The following SYT1 variants were observed in gnomAD, a reference collection of about 807,000 sequenced individuals.
SYT1 encodes the protein synaptotagmin 1.
Under a neutral mutation model 44.8 loss-of-function variants are expected in SYT1, and 8 were observed. That is an observed-to-expected ratio of 0.18 (90% CI 0.10 to 0.32). The LOEUF (loss-of-function observed/expected upper bound fraction) is 0.32. Ranked by LOEUF, SYT1 falls within the 10% of genes least tolerant of loss-of-function variation. SYT1 has a pLI of 1.00. For missense variants in SYT1, 286 were observed against 509.3 expected (o/e 0.56, Z 4.22); for synonymous variants, 154 against 188.8 (o/e 0.82, Z 1.51).
chr12:78,953,037 C>T (rs553363182), intron 1 of SYT1, among the ~76,000 whole-genome samples: 28 of 152,166 alleles, frequency 1.8e-4, no homozygotes, highest in African/African-American at 6.3e-4. Context: ...CAGTTTACTT[C>T]ATCCCCATAG....
At chr12:79,396,407 T>G (rs1884871698) in intron 9 of SYT1, among the ~76,000 whole-genome samples, 1 of 152,202 alleles carries the variant, frequency 6.6e-6, no homozygotes, top group South Asian at 2.1e-4. Flanking sequence ...ACCCTCCCAG[T>G]ACATCAGAAT....
At chr12:79,273,306 A>G (rs1878535986) in intron 4 of SYT1, among the ~76,000 whole-genome samples, 1 of 151,722 alleles carries the variant, frequency 6.6e-6, no homozygotes, top group Non-Finnish European at 1.5e-5. Flanking sequence ...TTGTAGAGCT[A>G]AGGTCTCATG....
At chr12:79,316,800 G>T (rs1232957054) in intron 8 of SYT1, among the ~76,000 whole-genome samples, 1 of 152,086 alleles carries the variant, frequency 6.6e-6, no homozygotes, top group African/African-American at 2.4e-5. Flanking sequence ...TCGTTGTCTC[G>T]ATAGGTAGAA....
chr12:79,068,291 C>A (rs188722809), intron 3 of SYT1, among the ~76,000 whole-genome samples: 1 of 152,162 alleles, frequency 6.6e-6, no homozygotes, highest in African/African-American at 2.4e-5. Flanking sequence ...CTTTAAAAAG[C>A]TGTCTAAAAT....
intron 9 of SYT1, among the ~76,000 whole-genome samples, chr12:79,398,092 T>C (rs1884939141): frequency 6.6e-6 from 1 of 151,654 alleles, no homozygotes; most frequent in Non-Finnish European, 1.5e-5. Flanking sequence ...GTTCCACCAA[T>C]TATATTCCAT....
At chr12:79,272,581 G>A (rs761204184) in intron 4 of SYT1, among the ~76,000 whole-genome samples, 1 of 152,168 alleles carries the variant, frequency 6.6e-6, no homozygotes, top group African/African-American at 2.4e-5. Flanking sequence ...TTGGGAAGGA[G>A]ATAAAGGATG....
chr12:79,016,093 G>C (rs1871788013), intron 2 of SYT1, among the ~76,000 whole-genome samples: 1 of 152,106 alleles, frequency 6.6e-6, no homozygotes, highest in South Asian at 2.1e-4. Flanking sequence ...ATCTGTTTAA[G>C]TTACCATTTC....
Position 78,993,132 on chromosome 12 carries a change from T to C in SYT1, c.-84+15201T>C, listed in dbSNP as rs562903373. Among the ~76,000 whole-genome samples, 11 of 152,334 alleles carry C rather than the reference T, an allele frequency of 7.2e-5. No homozygotes were observed. In the South Asian group the frequency reaches 8.3e-4, roughly 11 times the overall value. On this transcript the variant is annotated intron_variant, in intron 2 of 10. Coordinates refer to ENST00000261205, the MANE Select transcript of SYT1 (RefSeq NM_005639.3). ...ATCTAATTACTTAAAGCCTGTATTA[T>C]GTTTATCTGTTTTATAAAACAGAAT...
intron 1 of SYT1, among the ~76,000 whole-genome samples, chr12:78,920,985 T>G (rs1159593956): frequency 3.3e-5 from 5 of 151,932 alleles, no homozygotes; most frequent in Non-Finnish European, 7.4e-5. Flanking sequence ...GATTATCTAT[T>G]TTCTTCTCTG....
chr12:78,964,125 A>G (rs534685233), intron 1 of SYT1: 2 of 152,326 alleles, frequency 1.3e-5, no homozygotes, highest in South Asian at 4.1e-4. Flanking sequence ...CATAATTTAG[A>G]TCTCAACACA....
At chr12:78,997,241 C>T (rs535628596) in intron 2 of SYT1, among the ~76,000 whole-genome samples, 11 of 152,244 alleles carry the variant, frequency 7.2e-5, no homozygotes, top group African/African-American at 1.7e-4. Flanking sequence ...AAACATGGCC[C>T]GTGGGAATCA....
At chr12:79,119,699 T>C (rs1879489223) in intron 3 of SYT1, among the ~76,000 whole-genome samples, 2 of 152,330 alleles carry the variant, frequency 1.3e-5, no homozygotes, top group East Asian at 1.9e-4. Flanking sequence ...AAGAAAGATA[T>C]TCTTGTAAAT....
At chr12:79,397,975 C>T (rs929791942) in intron 9 of SYT1, among the ~76,000 whole-genome samples, 3 of 152,150 alleles carry the variant, frequency 2.0e-5, no homozygotes, top group East Asian at 1.9e-4. Flanking sequence ...GTCTTGTAAC[C>T]GAATGAGGTT....
intron 4 of SYT1, among the ~76,000 whole-genome samples, chr12:79,224,433 C>T (rs1875365178): frequency 6.6e-6 from 1 of 152,080 alleles, no homozygotes; most frequent in Non-Finnish European, 1.5e-5. Flanking sequence ...ATGACCAGGG[C>T]TGGTTTCCTT....
At chr12:79,151,308 G>A (rs1224445173) in intron 3 of SYT1, among the ~76,000 whole-genome samples, 1 of 152,116 alleles carries the variant, frequency 6.6e-6, no homozygotes, top group African/African-American at 2.4e-5. Flanking sequence ...TACTAAGATT[G>A]ACATTCCCAC....
chr12:79,096,741 G>C (rs1353641283), intron 3 of SYT1, among the ~76,000 whole-genome samples: 1 of 151,974 alleles, frequency 6.6e-6, no homozygotes, highest in Non-Finnish European at 1.5e-5. Flanking sequence ...TACTGGTGGG[G>C]CAGCTATTAA....
chr12:79,122,440 G>A (rs2138139245), intron 3 of SYT1, among the ~76,000 whole-genome samples: 1 of 146,436 alleles, frequency 6.8e-6, no homozygotes, highest in East Asian at 2.0e-4. Flanking sequence ...CGTGAACCCG[G>A]GAGGCGGAGC....
At chr12:79,114,393 T>G (rs192408442) in intron 3 of SYT1, among the ~76,000 whole-genome samples, 2 of 152,244 alleles carry the variant, frequency 1.3e-5, no homozygotes, top group East Asian at 3.9e-4. Flanking sequence ...GCAGAATGAG[T>G]GGCATCACAC....
intron 9 of SYT1, among the ~76,000 whole-genome samples, chr12:79,366,942 G>GTC (rs1883572351): frequency 7.3e-6 from 1 of 136,168 alleles, no homozygotes; most frequent in Non-Finnish European, 1.6e-5. Context: ...GTGTGTGTGT[G>GTC]TGTGTTCAAA....
Sources: gnomAD v4.1 joint callset for allele counts (sites outside exome capture counted in the v4.1 genomes callset) on GRCh38, gnomAD v4.1.1 for gene constraint, MANE v1.5 for transcripts, NCBI Gene and HGNC (gene_info 2026-07-23, HGNC 2026-07-21) for gene names.